The following SVOPL variants were observed in gnomAD, a reference collection of about 807,000 sequenced individuals.
SVOPL encodes the protein putative transporter SVOPL.
In SVOPL, 60 loss-of-function variants were observed where a neutral mutation model predicts 61.0. The observed-to-expected ratio is 0.98, with a 90% CI of 0.80 to 1.22. The LOEUF is 1.22. Among genes scored for constraint, SVOPL ranks in the 50% most tolerant of loss-of-function variants. The probability of loss-of-function intolerance (pLI) is 0.00; values close to 1 mark genes in which losing one functional copy is unlikely to be tolerated. For synonymous variants in SVOPL, 279 were observed against 250.0 expected, an observed-to-expected ratio of 1.12 and a Z score of -1.09; for missense variants, 662 against 643.9, an observed-to-expected ratio of 1.03 and a Z score of -0.30.
intron 5 of SVOPL, chr7:138,660,224 C>G (rs892458654): frequency 2.4e-6 from 3 of 1,235,864 alleles, no homozygotes; most frequent in Middle Eastern, 3.2e-4. Context: ...CCATGCTGTG[C>G]CCACCCTCAT....
At chr7:138,690,759 CTT>C (rs1491399165) in intron 1 of SVOPL, among the ~76,000 whole-genome samples, 1 of 149,002 alleles carries the variant, frequency 6.7e-6, no homozygotes, top group Non-Finnish European at 1.5e-5. Context: ...GAATTGTACC[CTT>C]TTCTTTCTTT....
intron 1 of SVOPL, among the ~76,000 whole-genome samples, chr7:138,693,580 G>GAAAGAAAGAAA (rs1451339144): frequency 1.7e-5 from 1 of 60,040 alleles, no homozygotes; most frequent in Non-Finnish European, 3.7e-5. Flanking sequence ...AAAGAAAAAA[G>GAAAGAAAGAAA]GAAAGAAAGA....
At chr7:138,646,700 A>G (rs185489447) in intron 8 of SVOPL, among the ~76,000 whole-genome samples, 1 of 152,180 alleles carries the variant, frequency 6.6e-6, no homozygotes, top group East Asian at 1.9e-4. Context: ...TTTATTTTTA[A>G]TAGAGATGGG....
intron 1 of SVOPL, among the ~76,000 whole-genome samples, chr7:138,682,359 G>A (rs1396508251): frequency 6.6e-6 from 1 of 152,152 alleles, no homozygotes. Flanking sequence ...ACAGGAAGAC[G>A]TATACAACAT....
At chr7:138,626,816 C>T (rs542090784) in intron 12 of SVOPL, among the ~76,000 whole-genome samples, 80 of 150,760 alleles carry the variant, frequency 5.3e-4, no homozygotes, top group Non-Finnish European at 8.0e-4. Context: ...ACTGCATTCC[C>T]GCCTGGGTGA....
chr7:138,641,398 C>T (rs1015863592), intron 9 of SVOPL, among the ~76,000 whole-genome samples: 12 of 151,978 alleles, frequency 7.9e-5, no homozygotes, highest in Admixed American at 1.3e-4. Context: ...CAGCTGGGCG[C>T]GGGGCCTCAC....
intron 14 of SVOPL, among the ~76,000 whole-genome samples, chr7:138,608,028 G>A (rs576825307): frequency 3.9e-5 from 6 of 152,228 alleles, no homozygotes; most frequent in Non-Finnish European, 7.4e-5. Flanking sequence ...ACAACAAAAT[G>A]CCATAAGATG....
In SVOPL at chr7:138,600,973, C is replaced by T. The variant is rs564702844; in HGVS notation, c.1354-4443G>A. On this transcript the variant is annotated intron_variant, in intron 14 of 15. Transcript: ENST00000674285. ...GGATACACACCCTAAGAAAATAGGC[C>T]GGGCGCGGTGGCTCACACCTGTAAT... 1.1e-4 allele frequency among the ~76,000 whole-genome samples: 16 copies of T among 152,132 alleles called. No homozygotes were observed. The East Asian group carries it at 1.9e-3, about 18-fold the overall frequency.
At chr7:138,648,761 C>CAA (rs564702801) in intron 8 of SVOPL, among the ~76,000 whole-genome samples, 2 of 140,072 alleles carry the variant, frequency 1.4e-5, no homozygotes, top group East Asian at 4.2e-4. Flanking sequence ...GACTCCATCT[C>CAA]AAAAAAAAAA....
chr7:138,640,862 T>C (rs556771749), intron 9 of SVOPL, among the ~76,000 whole-genome samples: 14 of 152,064 alleles, frequency 9.2e-5, no homozygotes, highest in Non-Finnish European at 1.9e-4. Flanking sequence ...CTCAGCATCA[T>C]GCAATAGACC....
intron 1 of SVOPL, among the ~76,000 whole-genome samples, chr7:138,686,684 G>C (rs536051970): frequency 2.9e-4 from 43 of 148,296 alleles, no homozygotes; most frequent in African/African-American, 9.7e-4. Flanking sequence ...TCCTGCCTCA[G>C]CCTCCCGAGT....
intron 1 of SVOPL, among the ~76,000 whole-genome samples, chr7:138,688,167 G>A (rs1370732884): frequency 1.3e-5 from 2 of 152,190 alleles, no homozygotes; most frequent in East Asian, 3.9e-4. Context: ...TATGCAAATG[G>A]CCAATGAGCA....
At chr7:138,611,863 C>T (rs1263743151) in intron 14 of SVOPL, among the ~76,000 whole-genome samples, 7 of 78,832 alleles carry the variant, frequency 8.9e-5, no homozygotes, top group South Asian at 5.7e-4. Flanking sequence ...AGATTGCAGC[C>T]TCTGCCCGGC....
At chr7:138,628,515 T>C (rs965585340) in intron 10 of SVOPL, 152 bp from the exon 11 acceptor site, 1 of 744,008 alleles carries the variant, frequency 1.3e-6, no homozygotes, top group East Asian at 2.7e-5. Flanking sequence ...CGTGGAAGTG[T>C]CTCTTACACA....
At chr7:138,641,833 T>TATATATATATAA (rs1554464901) in intron 9 of SVOPL, among the ~76,000 whole-genome samples, 740 of 37,192 alleles carry the variant, frequency 0.02, 5 homozygotes, top group Non-Finnish European at 0.038. Context: ...TATATATATA[T>TATATATATATAA]AACATATATA....
At chr7:138,622,200 A>ATC (rs1563096560) in intron 13 of SVOPL, among the ~76,000 whole-genome samples, 3 of 131,738 alleles carry the variant, frequency 2.3e-5, no homozygotes, top group Non-Finnish European at 1.7e-5. Context: ...CTATCTATCT[A>ATC]TGTATCTATC....
At chr7:138,597,266 A>G in intron 14 of SVOPL, 1 of 1,267,668 alleles carries the variant, frequency 7.9e-7, no homozygotes, top group Non-Finnish European at 1.0e-6. Flanking sequence ...TCACAGAATA[A>G]TGTATTATAA....
chr7:138,625,909 G>C (rs1799869586), intron 13 of SVOPL, 60 bp downstream of exon 13: 1 of 1,531,806 alleles, frequency 6.5e-7, no homozygotes, highest in Non-Finnish European at 9.0e-7. Context: ...CCTTTGGATG[G>C]ACATCCTAAG....
intron 9 of SVOPL, among the ~76,000 whole-genome samples, chr7:138,641,883 A>C (rs1349098640): frequency 1.4e-5 from 2 of 142,582 alleles, no homozygotes; most frequent in East Asian, 2.0e-4. Flanking sequence ...ATGTATATAT[A>C]GTCAATGGGT....
Sources: gnomAD v4.1 joint callset for allele counts (sites outside exome capture counted in the v4.1 genomes callset) on GRCh38, gnomAD v4.1.1 for gene constraint, MANE v1.5 for transcripts, NCBI Gene and HGNC (gene_info 2026-07-23, HGNC 2026-07-21) for gene names.